Variants in GPHN observed in about 807,000 individuals in gnomAD.
GPHN encodes gephyrin.
Under a neutral mutation model 95.5 loss-of-function variants are expected in GPHN, and 17 were observed. That is an observed-to-expected ratio of 0.18 (90% confidence interval 0.12 to 0.27). The LOEUF is 0.27. GPHN is among the 10% of genes least tolerant of loss of function. GPHN has a pLI of 1.00. For missense variants in GPHN, 660 were observed against 978.1 expected, an observed-to-expected ratio of 0.67 and a Z score of 4.34; for synonymous variants, 320 against 322.5, an observed-to-expected ratio of 0.99 and a Z score of 0.08.
chr14:66,510,756 G>T (rs2058011119), intron 1 of GPHN, among the ~76,000 whole-genome samples: 1 of 152,268 alleles, frequency 6.6e-6, no homozygotes, highest in South Asian at 2.1e-4. Context: ...TGATGATGAG[G>T]CTTCTGAGCT....
chr14:67,082,114 T>C (rs924792525), intron 11 of GPHN, among the ~76,000 whole-genome samples: 3 of 152,096 alleles, frequency 2.0e-5, no homozygotes, highest in African/African-American at 7.2e-5. Context: ...ATTTTAGGAT[T>C]GTCTTTTCTA....
chr14:66,614,377 T>G (rs2062910324), intron 1 of GPHN, among the ~76,000 whole-genome samples: 1 of 152,128 alleles, frequency 6.6e-6, no homozygotes, highest in South Asian at 2.1e-4. Flanking sequence ...AATACAGTAT[T>G]GCCGCCTAAA....
At chr14:66,605,527 ATT>A (rs59245552) in intron 1 of GPHN, among the ~76,000 whole-genome samples, 5 of 116,424 alleles carry the variant, frequency 4.3e-5, no homozygotes, top group Admixed American at 9.4e-5. Context: ...TCCTTTGCCG[ATT>A]TTTTTTTTTT....
the GPHN span, chr14:67,384,227 T>G: frequency 6.6e-6 from 1 of 152,222 alleles, no homozygotes; most frequent in Admixed American, 6.5e-5. Context: ...TTTTTAAATT[T>G]TAAAAAGCAG....
intron 10 of GPHN, 116 bp from the exon 11 acceptor site, chr14:67,058,533 C>A: frequency 1.1e-6 from 1 of 888,754 alleles, no homozygotes; most frequent in Non-Finnish European, 1.9e-6. Context: ...CAGTTTCTTA[C>A]CTGCTAATCT....
intron 2 of GPHN, among the ~76,000 whole-genome samples, chr14:66,748,323 A>G (rs1305202835): frequency 6.6e-6 from 1 of 151,982 alleles, no homozygotes; most frequent in Admixed American, 6.6e-5. Context: ...CTTTTAATTG[A>G]TGTTTGTTGG....
At chr14:66,676,414 C>T (rs900631930) in intron 1 of GPHN, among the ~76,000 whole-genome samples, 1 of 151,998 alleles carries the variant, frequency 6.6e-6, no homozygotes, top group Non-Finnish European at 1.5e-5. Context: ...TAGCTTTTCT[C>T]CATTCAGTGT....
At chr14:67,525,986 C>T in the GPHN span, among the ~76,000 whole-genome samples, 15 of 152,202 alleles carry the variant, frequency 9.9e-5, no homozygotes, top group Non-Finnish European at 1.8e-4. Context: ...CAGAGCAATG[C>T]CTACTGGCTT....
At chr14:67,449,516 C>T in the GPHN span, among the ~76,000 whole-genome samples, 1 of 152,030 alleles carries the variant, frequency 6.6e-6, no homozygotes, top group Non-Finnish European at 1.5e-5. Context: ...GACAATGGTC[C>T]CCTGTATCTT....
intron 2 of GPHN, among the ~76,000 whole-genome samples, chr14:66,685,526 T>C (rs117593366): frequency 0.15 from 22,720 of 152,218 alleles, 3,222 homozygotes; most frequent in East Asian, 0.43. Context: ...TTTTCATGTA[T>C]CTATTTGCTG....
the GPHN span, among the ~76,000 whole-genome samples, chr14:67,262,043 C>T: frequency 6.6e-6 from 1 of 152,116 alleles, no homozygotes; most frequent in Non-Finnish European, 1.5e-5. Flanking sequence ...ATTTACCCAT[C>T]TGAATTTTAG....
the GPHN span, among the ~76,000 whole-genome samples, chr14:67,531,142 G>A: frequency 6.6e-6 from 1 of 152,158 alleles, no homozygotes; most frequent in African/African-American, 2.4e-5. Context: ...GGGCTCTAGG[G>A]GTGATGGTGG....
At chr14:67,400,280 G>A in the GPHN span, among the ~76,000 whole-genome samples, 1 of 152,194 alleles carries the variant, frequency 6.6e-6, no homozygotes, top group African/African-American at 2.4e-5. Flanking sequence ...GCTACGTGAT[G>A]ATCACTCTGT....
intron 2 of GPHN, among the ~76,000 whole-genome samples, chr14:66,739,912 A>G (rs1566891200): frequency 6.6e-6 from 1 of 152,172 alleles, no homozygotes; most frequent in Non-Finnish European, 1.5e-5. Context: ...AACTGTAAAA[A>G]TGTCCTAGCA....
chr14:67,204,330 T>C, the GPHN span, among the ~76,000 whole-genome samples: 2 of 152,082 alleles, frequency 1.3e-5, no homozygotes, highest in Non-Finnish European at 2.9e-5. Context: ...TCCCAGCTAC[T>C]CAGGAGGATG....
chr14:66,550,179 A>G (rs558613763), intron 1 of GPHN, among the ~76,000 whole-genome samples: 15 of 152,232 alleles, frequency 9.9e-5, no homozygotes, highest in Non-Finnish European at 1.8e-4. Context: ...GATGGATCTG[A>G]GCAAAGTAAG....
the GPHN span, among the ~76,000 whole-genome samples, chr14:67,367,403 G>A: frequency 1.1e-4 from 16 of 152,056 alleles, no homozygotes; most frequent in East Asian, 1.9e-4. Flanking sequence ...GCTAATTTTT[G>A]TATTTTTGGT....
At chr14:67,623,661 C>T in the GPHN span, among the ~76,000 whole-genome samples, 1 of 149,668 alleles carries the variant, frequency 6.7e-6, no homozygotes, top group African/African-American at 2.4e-5. Context: ...CCTGCCTCAA[C>T]CTCCAAAGTA....
chr14:67,394,828 TATC>T, the GPHN span, among the ~76,000 whole-genome samples: 1 of 152,122 alleles, frequency 6.6e-6, no homozygotes, highest in Non-Finnish European at 1.5e-5. Context: ...ATTAATGAAT[TATC>T]ATGGGAATGG....
Sources: gnomAD v4.1 joint callset for allele counts (sites outside exome capture counted in the v4.1 genomes callset) on GRCh38, gnomAD v4.1.1 for gene constraint, MANE v1.5 for transcripts, NCBI Gene and HGNC (gene_info 2026-07-23, HGNC 2026-07-21) for gene names.